The following ARHGAP15 variants were observed in gnomAD, a reference collection of about 807,000 sequenced individuals.
The protein encoded by ARHGAP15 is Rho GTPase activating protein 15.
Under a neutral mutation model 63.7 loss-of-function variants are expected in ARHGAP15, and 51 were observed. The ratio of observed to expected loss-of-function variants is 0.80; its 90% CI spans 0.64 to 1.01. The LOEUF is 1.01. ARHGAP15 is among the 50% of genes least tolerant of loss of function. The probability of loss-of-function intolerance (pLI) is 0.00; values close to 1 mark genes in which losing one functional copy is unlikely to be tolerated. For synonymous variants in ARHGAP15, 191 were observed against 193.8 expected, an observed-to-expected ratio of 0.99 and a Z score of 0.12; for missense variants, 560 against 564.6, an observed-to-expected ratio of 0.99 and a Z score of 0.08.
intron 8 of ARHGAP15, among the ~76,000 whole-genome samples, chr2:143,438,670 T>C (rs1014052811): frequency 1.3e-5 from 2 of 152,232 alleles, no homozygotes; most frequent in Non-Finnish European, 2.9e-5. Context: ...TCCATAATGG[T>C]ACAGTTTAGA....
At chr2:143,535,499 AG>A (rs1405994123) in intron 10 of ARHGAP15, among the ~76,000 whole-genome samples, 1 of 152,230 alleles carries the variant, frequency 6.6e-6, no homozygotes, top group East Asian at 1.9e-4. Flanking sequence ...GGCATAAGCA[AG>A]GCTGTGTGAA....
intron 2 of ARHGAP15, among the ~76,000 whole-genome samples, chr2:143,188,913 C>G (rs1574068280): frequency 6.6e-6 from 1 of 151,708 alleles, no homozygotes; most frequent in African/African-American, 2.4e-5. Flanking sequence ...CATGAGCCAC[C>G]GTGCCGGCCC....
At chr2:143,148,474 G>A (rs1198991157) in intron 1 of ARHGAP15, among the ~76,000 whole-genome samples, 1 of 152,038 alleles carries the variant, frequency 6.6e-6, no homozygotes, top group Non-Finnish European at 1.5e-5. Flanking sequence ...AAAGATCATG[G>A]TTGCCTACCA....
intron 12 of ARHGAP15, among the ~76,000 whole-genome samples, chr2:143,663,364 C>T (rs1449295516): frequency 6.6e-6 from 1 of 150,744 alleles, no homozygotes; most frequent in Non-Finnish European, 1.5e-5. Context: ...CAAGCAAATG[C>T]TGAGAGATTT....
intron 10 of ARHGAP15, among the ~76,000 whole-genome samples, chr2:143,554,711 A>C (rs1415512483): frequency 6.6e-6 from 1 of 152,118 alleles, no homozygotes; most frequent in Non-Finnish European, 1.5e-5. Context: ...TTAAGACCAA[A>C]ATAGACCAAT....
At chr2:143,215,312 C>T (rs1692712589) in intron 3 of ARHGAP15, among the ~76,000 whole-genome samples, 1 of 152,134 alleles carries the variant, frequency 6.6e-6, no homozygotes, top group Non-Finnish European at 1.5e-5. Context: ...TGCTATTCTG[C>T]CCAGGCTGGT....
At position 143,477,800 on chromosome 2, in the gene ARHGAP15, A is replaced by G. The variant is rs142428162; in HGVS notation, c.704-9573A>G. On this transcript the variant is annotated intron_variant, in intron 8 of 13. Transcript: ENST00000295095. ...AATGGTTCTTATCTGCTTTTCCCCA[A>G]GTCCTGATCCTGAACTCTTACACTC... Among the ~76,000 whole-genome samples the G allele has an allele frequency of 1.2e-3, 180 of 152,348 alleles. 2 individuals carry two copies. In the Middle Eastern group the frequency reaches 0.017, roughly 14 times the overall value.
chr2:143,603,989 A>T (rs1697882523), intron 11 of ARHGAP15, among the ~76,000 whole-genome samples: 1 of 152,236 alleles, frequency 6.6e-6, no homozygotes. Context: ...ATGCACAAAT[A>T]AAACTTGTTT....
chr2:143,294,345 C>CT (rs1302542089), intron 6 of ARHGAP15, among the ~76,000 whole-genome samples: 1 of 152,092 alleles, frequency 6.6e-6, no homozygotes, highest in African/African-American at 2.4e-5. Flanking sequence ...GACTGGTAGA[C>CT]TTCTCTCCAA....
chr2:143,357,795 G>A (rs567048048), intron 6 of ARHGAP15, among the ~76,000 whole-genome samples: 49 of 152,164 alleles, frequency 3.2e-4, no homozygotes, highest in African/African-American at 1.0e-3. Context: ...TTAAAAAGTC[G>A]AATCAGAAAA....
intron 10 of ARHGAP15, among the ~76,000 whole-genome samples, chr2:143,526,140 A>G (rs1694268540): frequency 6.6e-6 from 1 of 152,176 alleles, no homozygotes; most frequent in South Asian, 2.1e-4. Flanking sequence ...CATATTTATT[A>G]GTGACATTTA....
intron 10 of ARHGAP15, among the ~76,000 whole-genome samples, chr2:143,553,751 A>G (rs1292050354): frequency 6.6e-6 from 1 of 152,222 alleles, no homozygotes; most frequent in African/African-American, 2.4e-5. Context: ...ATGAAAGACC[A>G]AGGAAAGCAC....
chr2:143,542,690 G>GATATATATAA (rs1392485870), intron 10 of ARHGAP15, among the ~76,000 whole-genome samples: 3,721 of 78,570 alleles, frequency 0.047, 403 homozygotes, highest in Non-Finnish European at 0.057. Flanking sequence ...ATGATATATA[G>GATATATATAA]TATCACATAT....
At chr2:143,679,297 A>G (rs1408926834) in intron 12 of ARHGAP15, among the ~76,000 whole-genome samples, 3 of 152,268 alleles carry the variant, frequency 2.0e-5, no homozygotes, top group Non-Finnish European at 4.4e-5. Context: ...TTTGAACCTT[A>G]ATAAATACTT....
At chr2:143,136,056 C>T (rs1290043915) in intron 1 of ARHGAP15, among the ~76,000 whole-genome samples, 1 of 152,004 alleles carries the variant, frequency 6.6e-6, no homozygotes, top group Non-Finnish European at 1.5e-5. Context: ...CCCACCTGTC[C>T]CCCAACCCAG....
intron 6 of ARHGAP15, among the ~76,000 whole-genome samples, chr2:143,334,442 T>G (rs1033663058): frequency 6.6e-6 from 1 of 152,202 alleles, no homozygotes; most frequent in Non-Finnish European, 1.5e-5. Flanking sequence ...CACACACATA[T>G]GTGTCCATTT....
chr2:143,633,764 G>A (rs1194608539), intron 12 of ARHGAP15, among the ~76,000 whole-genome samples: 3 of 152,106 alleles, frequency 2.0e-5, no homozygotes, highest in Non-Finnish European at 4.4e-5. Context: ...GAATTGAGTG[G>A]TTGGTTTTCA....
chr2:143,218,216 T>C (rs1183228683), intron 4 of ARHGAP15, among the ~76,000 whole-genome samples: 1 of 152,150 alleles, frequency 6.6e-6, no homozygotes, highest in Non-Finnish European at 1.5e-5. Context: ...ATTATTTCAC[T>C]TTGCATACCA....
At chr2:143,184,570 A>C (rs1039214944) in intron 2 of ARHGAP15, among the ~76,000 whole-genome samples, 1 of 152,184 alleles carries the variant, frequency 6.6e-6, no homozygotes, top group Non-Finnish European at 1.5e-5. Flanking sequence ...CATAAATTTA[A>C]CAATTAATGA....
Sources: allele counts gnomAD v4.1 joint callset (sites outside exome capture counted in the v4.1 genomes callset), GRCh38; gene constraint gnomAD v4.1.1; transcripts MANE v1.5; gene names NCBI Gene and HGNC (gene_info 2026-07-23, HGNC 2026-07-21).